The following KCNJ1 variants were observed in gnomAD, a reference collection of about 807,000 sequenced individuals.
KCNJ1 encodes ATP-sensitive inward rectifier potassium channel 1.
In KCNJ1, 24 loss-of-function variants were observed where a neutral mutation model predicts 21.9. That is an observed-to-expected ratio of 1.10 (90% CI 0.79 to 1.54). The LOEUF is 1.54. KCNJ1 is among the 40% of genes most tolerant of loss of function. KCNJ1 has a pLI of 0.00. For synonymous variants in KCNJ1, 152 were observed against 160.9 expected, an observed-to-expected ratio of 0.94 and a Z score of 0.42; for missense variants, 457 against 455.4, an observed-to-expected ratio of 1.00 and a Z score of -0.03.
intron 1 of KCNJ1, among the ~76,000 whole-genome samples, chr11:128,851,789 A>G (rs1943481492): frequency 1.3e-5 from 2 of 152,232 alleles, no homozygotes. Context: ...GACAATTTAT[A>G]AAATGGAAAA....
chr11:128,857,184 T>C (rs1943605697), intron 1 of KCNJ1, among the ~76,000 whole-genome samples: 2 of 152,150 alleles, frequency 1.3e-5, no homozygotes, highest in African/African-American at 4.8e-5. Context: ...GGCCTTCCCA[T>C]GTCTGGCTGC....
At position 128,840,171 on chromosome 11, in the gene KCNJ1, A is replaced by T; in HGVS notation, c.73T>A (p.Ser25Thr). ...GHSRQRARLV[S>T]KDGRCNIEFG... ...TCTATGTTGCACCTTCCATCTTTGG[A>T]GACTAGCCTTGCTCTTTGCCGAGAA... Residue 25 changes from serine to threonine, a missense_variant, in exon 3 of 3, where the codon TCC becomes ACC. By Grantham distance (58) the Ser-to-Thr change is moderately conservative (BLOSUM62 1). Transcript: ENST00000392666. 6.2e-7 allele frequency: 1 copy of T among 1,614,194 alleles called. No homozygotes were observed. The highest frequency in any genetic ancestry group is 8.5e-7 in the Non-Finnish European group (1 of 1,180,034).
rs747130390 is a variant in KCNJ1 at position 128,840,086 on chromosome 11, A to G, written c.158T>C (p.Val53Ala). Residue 53 changes from valine to alanine, a missense_variant, in exon 3 of 3, where the codon GTA (valine) becomes GCA (alanine). Transcript: ENST00000392666. ...TTTGTATCTCCACTTGAGGTCAAGT[A>G]CCGTTGTCCAGATGTCCACAAAGAA... ...FIFFVDIWTT[V>A]LDLKWRYKMT... 2.5e-6 allele frequency: 4 copies of G among 1,614,230 alleles called. No homozygotes were observed. In the Admixed American group the frequency reaches 6.7e-5, roughly 27 times the overall value.
At chr11:128,864,729 G>A (rs1158496194) in intron 1 of KCNJ1, among the ~76,000 whole-genome samples, 5 of 151,968 alleles carry the variant, frequency 3.3e-5, no homozygotes, top group East Asian at 1.9e-4. Flanking sequence ...CTCTTTTTGC[G>A]GACTTTGGGA....
chr11:128,857,977 G>A (rs1484428642), intron 1 of KCNJ1, among the ~76,000 whole-genome samples: 1 of 152,058 alleles, frequency 6.6e-6, no homozygotes, highest in Admixed American at 6.5e-5. Flanking sequence ...CTTAATAAAG[G>A]GTTTAAAAGT....
intron 1 of KCNJ1, among the ~76,000 whole-genome samples, chr11:128,861,824 C>T (rs1025801424): frequency 6.6e-6 from 1 of 152,168 alleles, no homozygotes; most frequent in Non-Finnish European, 1.5e-5. Context: ...CCCCTAAAAC[C>T]CAAGCTTCTT....
At chr11:128,847,502 T>C (rs182892732) in intron 2 of KCNJ1, among the ~76,000 whole-genome samples, 1 of 152,346 alleles carries the variant, frequency 6.6e-6, no homozygotes, top group East Asian at 1.9e-4. Context: ...AAGTGAAGAA[T>C]CAAGGATATA....
At chr11:128,858,078 G>A (rs1206131906) in intron 1 of KCNJ1, among the ~76,000 whole-genome samples, 3 of 150,924 alleles carry the variant, frequency 2.0e-5, no homozygotes, top group Non-Finnish European at 3.0e-5. Context: ...AAGGGAATGC[G>A]AGAAGCTCCA....
intron 1 of KCNJ1, among the ~76,000 whole-genome samples, chr11:128,852,551 C>G (rs1351213011): frequency 6.6e-6 from 1 of 152,220 alleles, no homozygotes; most frequent in African/African-American, 2.4e-5. Flanking sequence ...TGTTCAAGTG[C>G]TTTCTGGGAA....
chr11:128,839,173 G>A lies in KCNJ1; in HGVS notation c.1071C>T (p.Pro357=). 5 of 1,614,132 alleles carry A rather than the reference G, an allele frequency of 3.1e-6. No homozygotes were observed. The highest frequency in any genetic ancestry group is 1.6e-4 in the Middle Eastern group (1 of 6,062). The change falls in exon 3 of 3, where the codon CCC becomes CCT. Residue 357 remains proline, a synonymous_variant. Coordinates refer to ENST00000392666, the MANE Select transcript of KCNJ1 (RefSeq NM_153766.3). ...CATTGACTTCTGACAAGATGAAGTT[G>A]GGGTTGTCATAGCCTCTCTTCATCC... ...RARMKRGYDN[P]NFILSEVNET... is the part of the protein sequence containing the mutation.
At chr11:128,862,549 G>A (rs1305917121) in intron 1 of KCNJ1, among the ~76,000 whole-genome samples, 2 of 152,194 alleles carry the variant, frequency 1.3e-5, no homozygotes, top group African/African-American at 4.8e-5. Context: ...CGGGGAGCCT[G>A]GTTGGTAGGT....
chr11:128,839,150 T>A lies in KCNJ1; in HGVS notation c.1094A>T (p.Asn365Ile), dbSNP rs193920958. 1 of 1,614,076 alleles carries A rather than the reference T, an allele frequency of 6.2e-7. No individual in the cohort carries two copies. The highest frequency in any genetic ancestry group is 1.1e-5 in the South Asian group (1 of 91,082). The change falls in exon 3 of 3, where the codon AAT (asparagine) becomes ATT (isoleucine). Residue 365 changes from asparagine (N) to isoleucine (I), a missense_variant. By Grantham distance (149) the Asn-to-Ile change is moderately radical (BLOSUM62 -3). Coordinates refer to ENST00000392666, the MANE Select transcript of KCNJ1 (RefSeq NM_153766.3). Reference protein sequence around the residue: ...DNPNFILSEVNETDDTKM With the variant: ...DNPNFILSEVIETDDTKM Reference sequence around the variant, plus strand: ...TTACATTTTGGTGTCATCTGTTTCATTGACTTCTGACAAGATGAAGTTGGG... The same window carrying A: ...TTACATTTTGGTGTCATCTGTTTCAATGACTTCTGACAAGATGAAGTTGGG...
chr11:128,840,194 G>A lies in KCNJ1; in HGVS notation c.50C>T (p.Ser17Phe). 6.2e-7 allele frequency: 1 copy of A among 1,614,090 alleles called. No homozygotes were observed. The highest frequency in any genetic ancestry group is 8.5e-7 in the Non-Finnish European group (1 of 1,180,014). The change falls in exon 3 of 3, where the codon TCT (serine) becomes TTT (phenylalanine). Residue 17 changes from serine (S) to phenylalanine (F), a missense_variant. Coordinates refer to ENST00000392666, the MANE Select transcript of KCNJ1 (RefSeq NM_153766.3). ...KWVVTRFFGHSRQRARLVSKD... is the reference protein window; with the variant it reads ...KWVVTRFFGHFRQRARLVSKD... ...GGAGACTAGCCTTGCTCTTTGCCGA[G>A]AATGCCCAAAAAAGCGAGTGACGAC...
At chr11:128,844,090 C>T (rs1048973899) in intron 2 of KCNJ1, among the ~76,000 whole-genome samples, 1 of 152,204 alleles carries the variant, frequency 6.6e-6, no homozygotes, top group Non-Finnish European at 1.5e-5. Context: ...ATGATAAATA[C>T]ATTAATCAAT....
chr11:128,858,851 C>G (rs965494515), intron 1 of KCNJ1, among the ~76,000 whole-genome samples: 12 of 152,330 alleles, frequency 7.9e-5, no homozygotes, highest in Admixed American at 7.2e-4. Flanking sequence ...AGCTATATGT[C>G]TACCTTGGGT....
intron 1 of KCNJ1, among the ~76,000 whole-genome samples, chr11:128,853,855 T>C (rs966894599): frequency 1.3e-5 from 2 of 152,198 alleles, no homozygotes; most frequent in Admixed American, 6.5e-5. Flanking sequence ...ACCATCAGAA[T>C]GATTTTCTCT....
At chr11:128,858,690 T>C (rs1362597857) in intron 1 of KCNJ1, among the ~76,000 whole-genome samples, 1 of 152,168 alleles carries the variant, frequency 6.6e-6, no homozygotes, top group African/African-American at 2.4e-5. Context: ...ACTCAGTAGT[T>C]TACGGAGCGT....
intron 1 of KCNJ1, among the ~76,000 whole-genome samples, chr11:128,858,398 C>T (rs1199134786): frequency 6.6e-6 from 1 of 151,986 alleles, no homozygotes; most frequent in African/African-American, 2.4e-5. Flanking sequence ...ATTTGATTGA[C>T]GATTAACAAC....
intron 2 of KCNJ1, among the ~76,000 whole-genome samples, chr11:128,843,953 G>A (rs1180636617): frequency 6.6e-6 from 1 of 152,156 alleles, no homozygotes. Context: ...TGAATGCCAG[G>A]ATATGAAACA....
Sources: gnomAD v4.1 joint callset for allele counts (sites outside exome capture counted in the v4.1 genomes callset) on GRCh38, gnomAD v4.1.1 for gene constraint, MANE v1.5 for transcripts, NCBI Gene and HGNC (gene_info 2026-07-23, HGNC 2026-07-21) for gene names.